NAALADL2: variants seen among roughly 807,000 people sequenced by gnomAD.
The protein encoded by NAALADL2 is inactive N-acetylated-alpha-linked acidic dipeptidase-like protein 2.
A neutral mutation model predicts 87.2 loss-of-function variants in NAALADL2; 76 were observed. The observed-to-expected ratio is 0.87, with a 90% CI of 0.72 to 1.05. The LOEUF is 1.05. Among genes scored for constraint, NAALADL2 ranks in the 50% least tolerant of loss-of-function variants. The pLI, the probability that NAALADL2 is intolerant of heterozygous loss-of-function variation, is 0.00. For missense variants in NAALADL2, 1,089 were observed against 945.8 expected (o/e 1.15, Z -1.99); for synonymous variants, 354 against 331.0 (o/e 1.07, Z -0.75).
At chr3:175,443,484 G>T (rs1720164814) in intron 5 of NAALADL2, among the ~76,000 whole-genome samples, 1 of 152,122 alleles carries the variant, frequency 6.6e-6, no homozygotes, top group Non-Finnish European at 1.5e-5. Context: ...CGAATTGATA[G>T]GGATAGACGG....
intron 2 of NAALADL2, among the ~76,000 whole-genome samples, chr3:174,592,079 A>C (rs1717417740): frequency 6.6e-6 from 1 of 152,160 alleles, no homozygotes; most frequent in Non-Finnish European, 1.5e-5. Context: ...AATAGGTATA[A>C]TAGAACAATT....
chr3:175,255,011 G>A (rs894549594), intron 3 of NAALADL2, among the ~76,000 whole-genome samples: 11 of 152,180 alleles, frequency 7.2e-5, no homozygotes, highest in African/African-American at 2.7e-4. Flanking sequence ...GCGAGTATGG[G>A]TATGTAATGG....
At chr3:175,081,687 T>C (rs1357470235) in intron 1 of NAALADL2, among the ~76,000 whole-genome samples, 3 of 152,230 alleles carry the variant, frequency 2.0e-5, no homozygotes, top group South Asian at 2.1e-4. Context: ...AAGCACAGCA[T>C]TGGTTCTTGT....
chr3:174,875,244 T>C (rs1728360771), intron 1 of NAALADL2, among the ~76,000 whole-genome samples: 1 of 152,192 alleles, frequency 6.6e-6, no homozygotes, highest in South Asian at 2.1e-4. Context: ...TTCTGACTTA[T>C]TTTACATGTA....
chr3:174,534,878 G>C (rs993971413), intron 1 of NAALADL2, among the ~76,000 whole-genome samples: 3 of 152,180 alleles, frequency 2.0e-5, no homozygotes, highest in Admixed American at 1.3e-4. Flanking sequence ...AATTGTATCA[G>C]ACTTTAGGCC....
At chr3:175,768,959 C>G (rs1583169877) in intron 13 of NAALADL2, among the ~76,000 whole-genome samples, 2 of 151,636 alleles carry the variant, frequency 1.3e-5, no homozygotes, top group Admixed American at 1.3e-4. Context: ...AAAAGAGAAG[C>G]AGAATATATT....
intron 1 of NAALADL2, among the ~76,000 whole-genome samples, chr3:175,029,865 C>T (rs1454032761): frequency 6.6e-6 from 1 of 151,998 alleles, no homozygotes; most frequent in Non-Finnish European, 1.5e-5. Flanking sequence ...CCAAAGATTT[C>T]TTTAGCATCA....
At position 174,689,156 on chromosome 3, in the gene NAALADL2, C is replaced by T. The variant is rs79680919; in HGVS notation, c.-114-48485C>T. ...TATAATGTTTATTTTTTATTAATTACGAACCTGTTTTATTTCTCTCTCATG... is the reference window on the plus strand; with the variant it reads ...TATAATGTTTATTTTTTATTAATTATGAACCTGTTTTATTTCTCTCTCATG... On this transcript the variant is annotated intron_variant, in intron 2 of 3. Coordinates refer to the NAALADL2 transcript ENST00000434257. 4.5e-3 allele frequency among the ~76,000 whole-genome samples: 677 copies of T among 152,104 alleles called. 2 individuals are homozygous for T. Among genetic ancestry groups the T allele is most frequent in the African/African-American group, 0.016 (651 of 41,508 alleles).
At chr3:175,385,883 A>G (rs1768320456) in intron 5 of NAALADL2, among the ~76,000 whole-genome samples, 1 of 152,110 alleles carries the variant, frequency 6.6e-6, no homozygotes, top group African/African-American at 2.4e-5. Context: ...AAACCCAGTG[A>G]CATCTAGAAG....
chr3:175,726,927 C>G (rs978920876), intron 11 of NAALADL2, among the ~76,000 whole-genome samples: 1 of 152,134 alleles, frequency 6.6e-6, no homozygotes. Context: ...CTTCAATGCC[C>G]TCTTCTTCAA....
chr3:175,517,338 TTGAA>T (rs1394488243), intron 9 of NAALADL2, among the ~76,000 whole-genome samples: 2 of 152,206 alleles, frequency 1.3e-5, no homozygotes, highest in Non-Finnish European at 2.9e-5. Flanking sequence ...TTAGTTATCT[TTGAA>T]TGGTCCTTAT....
chr3:175,557,045 A>T (rs1263657118), intron 9 of NAALADL2, among the ~76,000 whole-genome samples: 1 of 152,218 alleles, frequency 6.6e-6, no homozygotes, highest in Non-Finnish European at 1.5e-5. Context: ...CATAAAAGTG[A>T]ACCTAAATAT....
At chr3:174,644,524 A>ATTTAAACCATGTAGTTTAAACCCATGCAG (rs1399496481) in intron 2 of NAALADL2, among the ~76,000 whole-genome samples, 81 of 152,048 alleles carry the variant, frequency 5.3e-4, no homozygotes, top group Non-Finnish European at 1.1e-3. Context: ...TTTCATGCAG[A>ATTTAAACCATGTAGTTTAAACCCATGCAG]TTTAAACCAT....
At chr3:174,843,869 A>G (rs774470434) in intron 3 of NAALADL2, among the ~76,000 whole-genome samples, 26 of 152,132 alleles carry the variant, frequency 1.7e-4, no homozygotes, top group Non-Finnish European at 3.7e-4. Context: ...ATTTAAAAAA[A>G]AATTGGGTTA....
chr3:174,788,594 C>T (rs1209518364), intron 3 of NAALADL2, among the ~76,000 whole-genome samples: 1 of 152,110 alleles, frequency 6.6e-6, no homozygotes, highest in Non-Finnish European at 1.5e-5. Flanking sequence ...ACCCTAACCA[C>T]TCCATTTAAA....
chr3:175,024,906 C>A (rs1367045911), intron 1 of NAALADL2, among the ~76,000 whole-genome samples: 1 of 151,842 alleles, frequency 6.6e-6, no homozygotes. Flanking sequence ...AGACTGGTAT[C>A]GCCACCCACA....
intron 1 of NAALADL2, among the ~76,000 whole-genome samples, chr3:174,462,897 G>T (rs1482720451): frequency 6.6e-6 from 1 of 152,196 alleles, no homozygotes; most frequent in Non-Finnish European, 1.5e-5. Flanking sequence ...TGATAATTCA[G>T]TAATCCTCTT....
chr3:174,600,610 C>T (rs1195924967), intron 2 of NAALADL2, among the ~76,000 whole-genome samples: 3 of 152,162 alleles, frequency 2.0e-5, no homozygotes, highest in African/African-American at 4.8e-5. Flanking sequence ...TAAAGAAATA[C>T]CTGAGACTGG....
At chr3:175,413,463 G>A (rs1048210034) in intron 5 of NAALADL2, among the ~76,000 whole-genome samples, 70 of 151,032 alleles carry the variant, frequency 4.6e-4, no homozygotes, top group African/African-American at 1.5e-3. Context: ...CCAGCTACTC[G>A]GGAGGCTGAG....
Sources: gnomAD v4.1 joint callset for allele counts (sites outside exome capture counted in the v4.1 genomes callset) on GRCh38, gnomAD v4.1.1 for gene constraint, MANE v1.5 for transcripts, NCBI Gene and HGNC (gene_info 2026-07-23, HGNC 2026-07-21) for gene names.